Variants in ATXN1 observed in about 807,000 individuals in gnomAD.
The protein encoded by ATXN1 is ataxin-1.
A neutral mutation model predicts 56.4 loss-of-function variants in ATXN1; 8 were observed. That is an observed-to-expected ratio of 0.14 (90% CI 0.08 to 0.26). The LOEUF (loss-of-function observed/expected upper bound fraction) is 0.26, where lower values mean the gene tolerates loss of function less well. Among genes scored for constraint, ATXN1 ranks in the 10% least tolerant of loss-of-function variants. The pLI is 1.00. For missense variants in ATXN1, 987 were observed against 1,106.5 expected (o/e 0.89, Z 1.53); for synonymous variants, 514 against 494.6 (o/e 1.04, Z -0.52).
At position 16,302,344 on chromosome 6, in the gene ATXN1, C is replaced by T. The variant is rs1371701491; in HGVS notation, c.*3985G>A. 1 of 152,432 alleles carries T rather than the reference C, an allele frequency of 6.6e-6. No individual in the cohort carries two copies. Among genetic ancestry groups the T allele is most frequent in the Non-Finnish European group, 1.5e-5 (1 of 68,050 alleles). The allele number at this position is 152,432 out of a possible 1,614,324, so 9.4% of individuals were successfully genotyped here. ...ACTCACCTAACAGAAAACATAGAGG[C>T]TCACAATTCCAAGTTAGAAATGGGA... On this transcript the variant is annotated 3_prime_UTR_variant, in exon 8 of 8. Coordinates refer to ENST00000436367, the MANE Select transcript of ATXN1 (RefSeq NM_001128164.2).
chr6:16,557,326 C>G (rs1052785728), intron 4 of ATXN1, among the ~76,000 whole-genome samples: 1 of 87,754 alleles, frequency 1.1e-5, no homozygotes, highest in African/African-American at 4.0e-5. Context: ...AACCCCATTT[C>G]AAAAAAAAAA....
At chr6:16,587,744 C>T (rs931231218) in intron 3 of ATXN1, among the ~76,000 whole-genome samples, 1 of 151,734 alleles carries the variant, frequency 6.6e-6, no homozygotes, top group African/African-American at 2.4e-5. Context: ...ACCAGCCTGG[C>T]CAACATGGTG....
At chr6:16,320,846 G>A (rs1760631616) in intron 7 of ATXN1, among the ~76,000 whole-genome samples, 1 of 152,214 alleles carries the variant, frequency 6.6e-6, no homozygotes, top group South Asian at 2.1e-4. Flanking sequence ...GGCGGGAAGG[G>A]TGCTCGCCTC....
intron 2 of ATXN1, among the ~76,000 whole-genome samples, chr6:16,722,924 A>ACT (rs887537879): frequency 5.3e-5 from 8 of 152,080 alleles, no homozygotes; most frequent in Non-Finnish European, 8.8e-5. Flanking sequence ...ACACACACAC[A>ACT]CTCTCTCTCA....
At chr6:16,695,831 G>A (rs1003585718) in intron 2 of ATXN1, among the ~76,000 whole-genome samples, 2 of 152,048 alleles carry the variant, frequency 1.3e-5, no homozygotes, top group African/African-American at 2.4e-5. Context: ...AAGTGTGGTC[G>A]CACAAGTCTG....
intron 3 of ATXN1, among the ~76,000 whole-genome samples, chr6:16,639,412 CA>C (rs1174932114): frequency 6.6e-6 from 1 of 152,208 alleles, no homozygotes; most frequent in African/African-American, 2.4e-5. Context: ...CTCCTAGGTT[CA>C]AGCGATTCTC....
intron 3 of ATXN1, among the ~76,000 whole-genome samples, chr6:16,628,259 ATTTG>A (rs1030307498): frequency 1.2e-4 from 18 of 151,670 alleles, no homozygotes; most frequent in Non-Finnish European, 1.5e-5. Flanking sequence ...TTTTTGGTTT[ATTTG>A]TTTGTTTTGT....
intron 7 of ATXN1, among the ~76,000 whole-genome samples, chr6:16,317,614 C>T (rs983264790): frequency 2.0e-5 from 3 of 152,124 alleles, no homozygotes; most frequent in African/African-American, 7.2e-5. Flanking sequence ...TGTGAGCCAC[C>T]GCGCCCAGGG....
At chr6:16,640,508 T>C (rs572152580) in intron 3 of ATXN1, among the ~76,000 whole-genome samples, 4 of 152,016 alleles carry the variant, frequency 2.6e-5, no homozygotes, top group East Asian at 1.9e-4. Flanking sequence ...ATGGTGAAAC[T>C]CAATCTCTAC....
intron 1 of ATXN1, among the ~76,000 whole-genome samples, chr6:16,759,206 A>G (rs759791504): frequency 1.4e-4 from 21 of 152,294 alleles, no homozygotes; most frequent in Non-Finnish European, 2.8e-4. Context: ...AACAGCCTGC[A>G]TTATAAAACA....
intron 2 of ATXN1, among the ~76,000 whole-genome samples, chr6:16,734,309 A>G (rs1760061586): frequency 6.6e-6 from 1 of 152,168 alleles, no homozygotes; most frequent in Admixed American, 6.5e-5. Context: ...TAGTCATGAC[A>G]CTGGGCATCC....
chr6:16,635,773 C>G (rs1244213694), intron 3 of ATXN1, among the ~76,000 whole-genome samples: 1 of 152,180 alleles, frequency 6.6e-6, no homozygotes, highest in Non-Finnish European at 1.5e-5. Context: ...TAGCCAGAAG[C>G]ATCCAAAAGC....
chr6:16,453,253 G>A (rs566787443), intron 6 of ATXN1, among the ~76,000 whole-genome samples: 1 of 152,230 alleles, frequency 6.6e-6, no homozygotes, highest in Non-Finnish European at 1.5e-5. Context: ...AAGGTCAGGA[G>A]ATCGAGACCA....
intron 6 of ATXN1, among the ~76,000 whole-genome samples, chr6:16,397,917 G>A (rs1758488779): frequency 6.6e-6 from 1 of 152,178 alleles, no homozygotes; most frequent in Admixed American, 6.5e-5. Context: ...CGCAACCATT[G>A]CTATGTTGAG....
intron 2 of ATXN1, among the ~76,000 whole-genome samples, chr6:16,749,177 C>A (rs1760632447): frequency 6.6e-6 from 1 of 152,176 alleles, no homozygotes; most frequent in Non-Finnish European, 1.5e-5. Flanking sequence ...ACAAAACACA[C>A]CCAAATTAAT....
chr6:16,569,127 T>C (rs1762284154), intron 4 of ATXN1, among the ~76,000 whole-genome samples: 1 of 152,176 alleles, frequency 6.6e-6, no homozygotes, highest in Non-Finnish European at 1.5e-5. Flanking sequence ...AGAAGGTTCC[T>C]TGCCTTTTCA....
At chr6:16,445,812 T>C (rs1221643174) in intron 6 of ATXN1, among the ~76,000 whole-genome samples, 6 of 151,238 alleles carry the variant, frequency 4.0e-5, no homozygotes, top group Non-Finnish European at 5.9e-5. Context: ...CTGAGAATGA[T>C]GATTTCCAAT....
intron 2 of ATXN1, among the ~76,000 whole-genome samples, chr6:16,698,941 T>G (rs1759226146): frequency 6.6e-6 from 1 of 152,240 alleles, no homozygotes; most frequent in Non-Finnish European, 1.5e-5. Flanking sequence ...ACTAAGCTAA[T>G]TTTTTAAAAG....
At chr6:16,691,194 A>G (rs1759039757) in intron 2 of ATXN1, among the ~76,000 whole-genome samples, 1 of 152,142 alleles carries the variant, frequency 6.6e-6, no homozygotes. Context: ...CCAAATCATT[A>G]TTTGCTCCTT....
Sources: allele counts gnomAD v4.1 joint callset (sites outside exome capture counted in the v4.1 genomes callset), GRCh38; gene constraint gnomAD v4.1.1; transcripts MANE v1.5; gene names NCBI Gene and HGNC (gene_info 2026-07-23, HGNC 2026-07-21).